COL6A6: variants seen among roughly 807,000 people sequenced by gnomAD.
COL6A6 encodes collagen alpha-6(VI) chain.
In COL6A6, 183 loss-of-function variants were observed where a neutral mutation model predicts 208.6. The ratio of observed to expected loss-of-function variants is 0.88; its 90% CI spans 0.78 to 0.99. The LOEUF is 0.99. Ranked by LOEUF, COL6A6 falls within the 50% of genes least tolerant of loss-of-function variation. The pLI, the probability that COL6A6 is intolerant of heterozygous loss-of-function variation, is 0.00. For missense variants in COL6A6, 2,816 were observed against 2,815.2 expected (o/e 1.00, Z -0.01); for synonymous variants, 973 against 1,011.8 (o/e 0.96, Z 0.73).
intron 11 of COL6A6, among the ~76,000 whole-genome samples, chr3:130,588,582 C>T (rs1560031957): frequency 6.6e-6 from 1 of 152,146 alleles, no homozygotes; most frequent in Non-Finnish European, 1.5e-5. Flanking sequence ...ATCAGAATTG[C>T]TTTGGAAGAG....
intron 2 of COL6A6, 85 bp from the exon 3 acceptor site, chr3:130,562,983 T>C (rs1577709313): frequency 1.0e-6 from 1 of 958,692 alleles, no homozygotes; most frequent in Non-Finnish European, 1.6e-6. Context: ...AAAAGGAAAG[T>C]ACTTCCCCGC....
chr3:130,538,546 A>G (rs1460076068), intron 1 of COL6A6, among the ~76,000 whole-genome samples: 1 of 152,232 alleles, frequency 6.6e-6, no homozygotes, highest in Non-Finnish European at 1.5e-5. Flanking sequence ...TTTAACCCCC[A>G]AAACAATTCC....
At chr3:130,537,052 G>A (rs2062242673) in intron 1 of COL6A6, among the ~76,000 whole-genome samples, 1 of 152,222 alleles carries the variant, frequency 6.6e-6, no homozygotes, top group African/African-American at 2.4e-5. Flanking sequence ...TTCTAGCTGA[G>A]GAAACTTGGT....
chr3:130,595,260 C>A (rs1560042672), intron 18 of COL6A6, among the ~76,000 whole-genome samples: 1 of 151,918 alleles, frequency 6.6e-6, no homozygotes. Context: ...GGATTTTCAT[C>A]ACCATACCCA....
Position 130,665,700 on chromosome 3 carries a change from A to G in COL6A6, c.6596+604A>G, listed in dbSNP as rs72996287. 5.5e-3 allele frequency among the ~76,000 whole-genome samples: 842 copies of G among 152,360 alleles called. 9 individuals carry two copies. The highest frequency in any genetic ancestry group is 0.019 in the African/African-American group (801 of 41,594). ...GGAAGAGAGAAAATGTTCTCTATAC[A>G]AGAATGCTAGCTAATAAATGTAGAA... On this transcript the variant is annotated intron_variant, in intron 36 of 36. Transcript: ENST00000358511.
At chr3:130,663,334 C>A (rs77999646) in intron 35 of COL6A6, among the ~76,000 whole-genome samples, 1 of 152,050 alleles carries the variant, frequency 6.6e-6, no homozygotes, top group African/African-American at 2.4e-5. Flanking sequence ...TAGGACCCAA[C>A]CCAGTCATTC....
chr3:130,653,162 A>G (rs1311080817), intron 33 of COL6A6, among the ~76,000 whole-genome samples: 1 of 152,208 alleles, frequency 6.6e-6, no homozygotes. Context: ...TTCTTCTGAT[A>G]AAATTTGACG....
chr3:130,608,348 A>G (rs2064248000), intron 21 of COL6A6, among the ~76,000 whole-genome samples: 1 of 152,208 alleles, frequency 6.6e-6, no homozygotes, highest in Non-Finnish European at 1.5e-5. Flanking sequence ...ACATCCAACT[A>G]TATAACAACT....
At chr3:130,650,286 G>C (rs2065596600) in intron 33 of COL6A6, among the ~76,000 whole-genome samples, 1 of 151,658 alleles carries the variant, frequency 6.6e-6, no homozygotes, top group Admixed American at 6.6e-5. Flanking sequence ...AGACCGTGAA[G>C]GGGGGGGCCA....
intron 1 of COL6A6, among the ~76,000 whole-genome samples, chr3:130,559,340 C>T (rs2062830955): frequency 6.6e-6 from 1 of 152,162 alleles, no homozygotes; most frequent in South Asian, 2.1e-4. Context: ...GAAAACTCTA[C>T]ATCGTCTAGA....
intron 23 of COL6A6, among the ~76,000 whole-genome samples, chr3:130,614,979 A>G (rs1007403596): frequency 2.6e-5 from 4 of 151,872 alleles, no homozygotes; most frequent in African/African-American, 7.2e-5. Flanking sequence ...GATCTTCTGT[A>G]TGATTTTCTG....
At chr3:130,624,025 G>T (rs2064813284) in intron 24 of COL6A6, among the ~76,000 whole-genome samples, 1 of 152,114 alleles carries the variant, frequency 6.6e-6, no homozygotes, top group Non-Finnish European at 1.5e-5. Context: ...CAATTGAGAG[G>T]AGAGAAAGGG....
chr3:130,565,247 G>A lies in COL6A6; in HGVS notation c.915G>A (p.Lys305=). The change falls in exon 4 of 37, where the codon AAG becomes AAA. Residue 305 remains lysine, a synonymous_variant. Coordinates refer to ENST00000358511, the MANE Select transcript of COL6A6 (RefSeq NM_001102608.3). ...AGAACCTTTCTCCCCGAACTGGGAAGGCCTATACTGGAGCTGCCATCAAAA... is the reference window on the plus strand; with the variant it reads ...AGAACCTTTCTCCCCGAACTGGGAAAGCCTATACTGGAGCTGCCATCAAAA... ...HIQNLSPRTG[K]AYTGAAIKKL... 1 of 1,614,032 alleles carries A rather than the reference G, an allele frequency of 6.2e-7. No individual in the cohort carries two copies. The highest frequency in any genetic ancestry group is 8.5e-7 in the Non-Finnish European group (1 of 1,179,892).
intron 1 of COL6A6, among the ~76,000 whole-genome samples, chr3:130,545,031 C>T (rs952553551): frequency 2.0e-5 from 3 of 152,092 alleles, no homozygotes; most frequent in African/African-American, 7.2e-5. Context: ...GTATGCCCAT[C>T]TATTTTTTAT....
At chr3:130,531,091 G>A (rs1432165060) in intron 1 of COL6A6, among the ~76,000 whole-genome samples, 2 of 91,826 alleles carry the variant, frequency 2.2e-5, no homozygotes, top group Non-Finnish European at 4.6e-5. Flanking sequence ...CTCTCTCTCT[G>A]CCACTCACAC....
chr3:130,671,423 T>C (rs1181533946), intron 36 of COL6A6, among the ~76,000 whole-genome samples: 1 of 152,244 alleles, frequency 6.6e-6, no homozygotes, highest in Non-Finnish European at 1.5e-5. Context: ...GCTTCTCCTA[T>C]GTATTTGAAA....
At chr3:130,544,863 A>G (rs1291168094) in intron 1 of COL6A6, among the ~76,000 whole-genome samples, 1 of 152,068 alleles carries the variant, frequency 6.6e-6, no homozygotes, top group Non-Finnish European at 1.5e-5. Flanking sequence ...TCCTTTACCC[A>G]TTTTTTATTC....
At chr3:130,528,767 A>T (rs544133492) in intron 1 of COL6A6, among the ~76,000 whole-genome samples, 5 of 152,242 alleles carry the variant, frequency 3.3e-5, no homozygotes, top group African/African-American at 1.2e-4. Flanking sequence ...ATCACTGGGG[A>T]TGGGACTGAG....
At chr3:130,597,413 C>T (rs898847402) in intron 18 of COL6A6, among the ~76,000 whole-genome samples, 3 of 152,144 alleles carry the variant, frequency 2.0e-5, no homozygotes, top group Admixed American at 2.0e-4. Context: ...AAGTACAAAA[C>T]CATTTGTTTA....
Sources: allele counts gnomAD v4.1 joint callset (sites outside exome capture counted in the v4.1 genomes callset), GRCh38; gene constraint gnomAD v4.1.1; transcripts MANE v1.5; gene names NCBI Gene and HGNC (gene_info 2026-07-23, HGNC 2026-07-21).